The following MSR1 variants were observed in gnomAD, a reference collection of about 807,000 sequenced individuals.
MSR1 encodes macrophage scavenger receptor 1, also known as macrophage scavenger receptor types I and II.
In MSR1, 53 loss-of-function variants were observed where a neutral mutation model predicts 47.2. The ratio of observed to expected loss-of-function variants is 1.12; its 90% CI spans 0.90 to 1.41. The LOEUF (loss-of-function observed/expected upper bound fraction) is 1.41, where lower values mean the gene tolerates loss of function less well. Ranked by LOEUF, MSR1 falls within the 40% of genes most tolerant of loss-of-function variation. MSR1 has a pLI of 0.00. For missense variants in MSR1, 786 were observed against 546.9 expected (o/e 1.44, Z -4.36); for synonymous variants, 239 against 185.6 (o/e 1.29, Z -2.34).
intron 1 of MSR1, among the ~76,000 whole-genome samples, chr8:16,190,131 C>G (rs564304906): frequency 6.6e-6 from 1 of 152,124 alleles, no homozygotes; most frequent in East Asian, 1.9e-4. Flanking sequence ...CTCCTGACCT[C>G]AGGTGATCCA....
At chr8:16,170,934 G>A (rs1801467263) in intron 3 of MSR1, among the ~76,000 whole-genome samples, 1 of 152,156 alleles carries the variant, frequency 6.6e-6, no homozygotes, top group Non-Finnish European at 1.5e-5. Flanking sequence ...CCTTGTACAT[G>A]AGAGACATTA....
At position 16,150,140 on chromosome 8, in the gene MSR1, G is replaced by A. The variant is rs201130982; in HGVS notation, c.979+91C>T. 1,320 of 177,952 alleles carry A rather than the reference G, an allele frequency of 7.4e-3. 24 individuals carry two copies. The highest frequency in any genetic ancestry group is 0.038 in the African/African-American group (1,225 of 32,094). The allele number at this position is 177,952 out of a possible 1,614,324, so 11.0% of individuals were successfully genotyped here. On this transcript the variant is annotated intron_variant, in intron 7 of 9. Transcript: ENST00000262101. ...TATGTGTGTGTGTATGTGTGTGTGT[G>A]TATATATATATATATATATATATAT...
At chr8:16,139,719 T>C (rs1205024274) in intron 8 of MSR1, 12 of 823,710 alleles carry the variant, frequency 1.5e-5, no homozygotes, top group African/African-American at 6.5e-5. Flanking sequence ...TTGGATAAAT[T>C]GCCCAAGCTC....
In MSR1 at chr8:16,108,971, G is replaced by A. The variant is rs1799694697; in HGVS notation, c.*1114C>T. On this transcript the variant is annotated 3_prime_UTR_variant, in exon 10 of 10. Coordinates refer to ENST00000262101, the MANE Select transcript of MSR1 (RefSeq NM_138715.3). ...TTCTGTTATTTTCAGGGCTGAGGTT[G>A]AATTCATTTGCGCTTTAATATCAAC... 6.6e-6 allele frequency: 1 copy of A among 152,028 alleles called. No homozygotes were observed. The highest frequency in any genetic ancestry group is 2.4e-5 in the African/African-American group (1 of 41,392). The allele number at this position is 152,028 out of a possible 1,614,324, so 9.4% of individuals were successfully genotyped here. A position where few individuals can be genotyped will look rare whatever the true frequency, so the allele number is the denominator to read the frequency against.
intron 6 of MSR1, among the ~76,000 whole-genome samples, chr8:16,152,393 C>T (rs762687788): frequency 1.2e-4 from 19 of 152,014 alleles, no homozygotes; most frequent in Non-Finnish European, 2.5e-4. Context: ...TAAAGATATA[C>T]GTGGATATAA....
intron 9 of MSR1, among the ~76,000 whole-genome samples, chr8:16,114,209 A>C (rs544652214): frequency 6.9e-6 from 1 of 144,078 alleles, no homozygotes; most frequent in African/African-American, 2.5e-5. Flanking sequence ...GCATTTTTTG[A>C]TTGCCTTCTG....
chr8:16,156,411 T>C (rs1032668332), intron 5 of MSR1, among the ~76,000 whole-genome samples: 18 of 151,892 alleles, frequency 1.2e-4, no homozygotes, highest in Non-Finnish European at 1.5e-5. Flanking sequence ...CATTTTGTTG[T>C]TGCTTATTTT....
At chr8:16,172,387 A>C (rs1181034885) in intron 3 of MSR1, among the ~76,000 whole-genome samples, 1 of 152,176 alleles carries the variant, frequency 6.6e-6, no homozygotes, top group Non-Finnish European at 1.5e-5. Flanking sequence ...CCCTGAGTGA[A>C]AACTAATTTT....
intron 3 of MSR1, among the ~76,000 whole-genome samples, chr8:16,174,942 C>G (rs1801597090): frequency 6.6e-6 from 1 of 152,028 alleles, no homozygotes; most frequent in African/African-American, 2.4e-5. Context: ...TATTACAAAT[C>G]TGTATTTTTA....
chr8:16,152,759 T>C (rs1246096934), intron 6 of MSR1, among the ~76,000 whole-genome samples: 4 of 152,042 alleles, frequency 2.6e-5, no homozygotes, highest in African/African-American at 9.7e-5. Context: ...TCACATGAGA[T>C]AAAAAATCCT....
At position 16,164,093 on chromosome 8, in the gene MSR1, C is replaced by T. The variant is rs753519339; in HGVS notation, c.789G>A (p.Gln263=). 1.1e-5 allele frequency: 17 copies of T among 1,610,400 alleles called. No individual in the cohort carries two copies. The highest frequency in any genetic ancestry group is 1.4e-5 in the Non-Finnish European group (17 of 1,177,592). Residue 263 remains glutamine (Q), a synonymous_variant, in exon 5 of 10, where the codon CAG becomes CAA. Transcript: ENST00000262101. ...DLRLKDWEHS[Q]TLRNITLIQG... is the part of the protein sequence containing the mutation. ...GAATTAAAGTGATATTTCTCAAGGT[C>T]TGAGAATGTTCCCAATCTTTCAGTC...
intron 4 of MSR1, among the ~76,000 whole-genome samples, chr8:16,168,029 G>A (rs1311546355): frequency 1.3e-5 from 2 of 152,006 alleles, no homozygotes; most frequent in East Asian, 3.9e-4. Flanking sequence ...TTAAGGTGAG[G>A]ACCATGTATA....
intron 8 of MSR1, among the ~76,000 whole-genome samples, chr8:16,133,775 G>A (rs1351024502): frequency 6.6e-6 from 1 of 152,126 alleles, no homozygotes; most frequent in Non-Finnish European, 1.5e-5. Context: ...AAATGCCTCA[G>A]GATATTGACC....
chr8:16,112,643 A>G (rs1006008610), intron 9 of MSR1, among the ~76,000 whole-genome samples: 4 of 152,138 alleles, frequency 2.6e-5, no homozygotes, highest in African/African-American at 9.7e-5. Context: ...GTGTAAACCA[A>G]TGAGATAAAA....
rs191693779 is a variant in MSR1, at chr8:16,177,854, C to T, written c.103+32G>A. 1.0e-5 allele frequency: 16 copies of T among 1,552,728 alleles called. No homozygotes were observed. In the African/African-American group the frequency reaches 1.5e-4, roughly 14 times the overall value. On this transcript the variant is annotated intron_variant, in intron 2 of 9. Transcript: ENST00000262101. ...ATTTTGTCAATAACTCTAAGAACAA[C>T]CTCCATGGGCAGCCCATCCCCCTCT... is the stretch of plus-strand genomic sequence containing the variant.
chr8:16,186,279 G>C (rs1011484901), intron 1 of MSR1: 51 of 1,324,786 alleles, frequency 3.8e-5, no homozygotes, highest in Non-Finnish European at 5.2e-5. Context: ...GAGTGAGCCA[G>C]GGTCCAGTTT....
intron 8 of MSR1, among the ~76,000 whole-genome samples, chr8:16,129,396 C>T (rs942394458): frequency 3.3e-5 from 5 of 152,060 alleles, no homozygotes; most frequent in Admixed American, 1.3e-4. Context: ...GGGGGAATTT[C>T]TTGGAGACTC....
At chr8:16,113,277 G>C (rs1011278889) in intron 9 of MSR1, among the ~76,000 whole-genome samples, 2 of 151,942 alleles carry the variant, frequency 1.3e-5, no homozygotes, top group Non-Finnish European at 2.9e-5. Flanking sequence ...AAAAATGAAA[G>C]ATACTGATAT....
At chr8:16,111,414 C>T (rs535379465) in intron 9 of MSR1, among the ~76,000 whole-genome samples, 2 of 152,180 alleles carry the variant, frequency 1.3e-5, no homozygotes, top group South Asian at 4.2e-4. Context: ...GAATTGTGAA[C>T]CCGGGCTACT....
Sources: gnomAD v4.1 joint callset for allele counts (sites outside exome capture counted in the v4.1 genomes callset) on GRCh38, gnomAD v4.1.1 for gene constraint, MANE v1.5 for transcripts, NCBI Gene and HGNC (gene_info 2026-07-23, HGNC 2026-07-21) for gene names.